The following CUBN variants were observed in gnomAD, a reference collection of about 807,000 sequenced individuals.
The protein encoded by CUBN is cubilin.
A neutral mutation model predicts 405.3 loss-of-function variants in CUBN; 282 were observed. The ratio of observed to expected loss-of-function variants is 0.70; its 90% CI spans 0.63 to 0.77. The LOEUF is 0.77. CUBN is among the 30% of genes least tolerant of loss of function. The pLI, the probability that CUBN is intolerant of heterozygous loss-of-function variation, is 0.00. For synonymous variants in CUBN, 1,684 were observed against 1,617.0 expected (o/e 1.04, Z -0.99); for missense variants, 4,514 against 4,475.2 (o/e 1.01, Z -0.25).
intron 4 of CUBN, among the ~76,000 whole-genome samples, chr10:17,124,573 C>T (rs12572441): frequency 2.2e-4 from 33 of 150,084 alleles, no homozygotes; most frequent in Admixed American, 1.2e-3. Context: ...GGACTACAGG[C>T]GCCCGCCACC....
At chr10:16,855,625 T>C (rs1839848420) in intron 59 of CUBN, among the ~76,000 whole-genome samples, 1 of 152,172 alleles carries the variant, frequency 6.6e-6, no homozygotes, top group Non-Finnish European at 1.5e-5. Flanking sequence ...AATGCTTTCA[T>C]TATAAGACAC....
intron 59 of CUBN, among the ~76,000 whole-genome samples, chr10:16,867,724 T>C (rs1223121123): frequency 6.6e-6 from 1 of 152,226 alleles, no homozygotes; most frequent in South Asian, 2.1e-4. Context: ...TAAGTGACTG[T>C]AATTGTTCAA....
At chr10:16,896,592 T>C (rs1202225719) in intron 54 of CUBN, among the ~76,000 whole-genome samples, 24 of 152,202 alleles carry the variant, frequency 1.6e-4, no homozygotes, top group Admixed American at 1.6e-3. Flanking sequence ...TTCAAGACTT[T>C]TTGTTTGCCT....
chr10:16,987,369 A>G (rs1415149381), intron 29 of CUBN, among the ~76,000 whole-genome samples: 1 of 152,234 alleles, frequency 6.6e-6, no homozygotes, highest in Non-Finnish European at 1.5e-5. Flanking sequence ...AGATTTAAAA[A>G]TGTGTTTTAG....
At chr10:16,891,885 A>G (rs12772253) in intron 54 of CUBN, among the ~76,000 whole-genome samples, 82,575 of 144,834 alleles carry the variant, frequency 0.57, 23,460 homozygotes, top group East Asian at 0.66. Flanking sequence ...CTATTGCTAC[A>G]CAATCTGCAA....
At chr10:17,105,622 G>A (rs1364139829) in intron 10 of CUBN, 47 bp from the exon 11 acceptor site, 5 of 1,026,952 alleles carry the variant, frequency 4.9e-6, no homozygotes, top group African/African-American at 1.6e-5. Flanking sequence ...CTCCTCCTCT[G>A]TTCGGATGCA....
At chr10:16,898,198 G>T (rs1841250289) in intron 54 of CUBN, among the ~76,000 whole-genome samples, 1 of 151,976 alleles carries the variant, frequency 6.6e-6, no homozygotes, top group Non-Finnish European at 1.5e-5. Flanking sequence ...AAGCCACTTT[G>T]ACTCATCAAG....
intron 28 of CUBN, among the ~76,000 whole-genome samples, chr10:17,019,022 T>C (rs1375216309): frequency 3.3e-5 from 5 of 152,160 alleles, no homozygotes; most frequent in African/African-American, 1.2e-4. Context: ...AAGACACAGA[T>C]TACTGGGCTC....
chr10:17,042,967 T>C (rs778244247), intron 26 of CUBN, among the ~76,000 whole-genome samples: 2 of 152,178 alleles, frequency 1.3e-5, no homozygotes. Flanking sequence ...AGTAGAATTA[T>C]GTTTCCAAAA....
At chr10:17,114,985 T>C (rs965483436) in intron 7 of CUBN, among the ~76,000 whole-genome samples, 1 of 152,230 alleles carries the variant, frequency 6.6e-6, no homozygotes, top group African/African-American at 2.4e-5. Flanking sequence ...GGCTCATGCC[T>C]GTAATCGCAG....
intron 31 of CUBN, among the ~76,000 whole-genome samples, chr10:16,962,232 C>T (rs1564449282): frequency 6.6e-6 from 1 of 152,102 alleles, no homozygotes; most frequent in Non-Finnish European, 1.5e-5. Context: ...AGGAGAGTGG[C>T]TGGCATGTAG....
chr10:16,862,012 G>A (rs141808426), intron 59 of CUBN, among the ~76,000 whole-genome samples: 33 of 152,226 alleles, frequency 2.2e-4, no homozygotes, highest in African/African-American at 6.3e-4. Context: ...AGCCAGGCGT[G>A]GTTGCATGCG....
chr10:17,045,014 T>G lies in CUBN; in HGVS notation c.3665A>C (p.Tyr1222Ser). Residue 1222 changes from tyrosine to serine, a missense_variant, in exon 25 of 67, where the codon TAC becomes TCC. By Grantham distance (144) the Tyr-to-Ser change is moderately radical. Around this residue, in one of 5 missense-constraint regions of CUBN, gnomAD observed 242 missense variants for 309.0 expected, o/e 0.78. Transcript: ENST00000377833. ...TGGAAACATTATACATACAGCCAGG[T>G]AATCTAAAGTGCAGTTTGGATGATG... ...LEHHPNCTLD[Y>S]LAVYDGPSSN... The G allele has an allele frequency of 6.2e-7, 1 of 1,613,934 alleles. No homozygotes were observed. Among genetic ancestry groups the G allele is most frequent in the Non-Finnish European group, 8.5e-7 (1 of 1,179,842 alleles).
intron 50 of CUBN, 75 bp from the exon 51 acceptor site, chr10:16,904,190 C>A (rs927620617): frequency 7.1e-7 from 1 of 1,404,634 alleles, no homozygotes. Context: ...TTGATAAAAA[C>A]AAATTTCAAG....
At chr10:16,954,856 C>A (rs989792717) in intron 31 of CUBN, among the ~76,000 whole-genome samples, 1 of 152,104 alleles carries the variant, frequency 6.6e-6, no homozygotes, top group Non-Finnish European at 1.5e-5. Flanking sequence ...ACAGGCCATG[C>A]CCACAACATG....
intron 17 of CUBN, among the ~76,000 whole-genome samples, chr10:17,078,698 C>T (rs1835905279): frequency 6.6e-6 from 1 of 152,150 alleles, no homozygotes; most frequent in Non-Finnish European, 1.5e-5. Context: ...ACTAGTACTA[C>T]TAGTACTATC....
intron 48 of CUBN, among the ~76,000 whole-genome samples, chr10:16,909,533 G>T (rs1237417931): frequency 1.3e-5 from 2 of 152,200 alleles, no homozygotes; most frequent in African/African-American, 4.8e-5. Flanking sequence ...GCTGAAAACA[G>T]GAATGGGCAC....
At chr10:16,866,826 G>A (rs1301454342) in intron 59 of CUBN, among the ~76,000 whole-genome samples, 1 of 152,106 alleles carries the variant, frequency 6.6e-6, no homozygotes, top group Admixed American at 6.5e-5. Flanking sequence ...ATGCATATGG[G>A]CCTCCAGCAG....
chr10:16,862,533 A>G (rs1460362851), intron 59 of CUBN, among the ~76,000 whole-genome samples: 1 of 152,182 alleles, frequency 6.6e-6, no homozygotes, highest in Non-Finnish European at 1.5e-5. Context: ...AGTGAGCAAA[A>G]TGTACAGCTA....
Sources: allele counts gnomAD v4.1 joint callset (sites outside exome capture counted in the v4.1 genomes callset), GRCh38; gene constraint gnomAD v4.1.1; regional missense constraint gnomAD v4.1.1; transcripts MANE v1.5; gene names NCBI Gene and HGNC (gene_info 2026-07-23, HGNC 2026-07-21).